GABRG3: variants seen among roughly 807,000 people sequenced by gnomAD.
GABRG3 encodes gamma-aminobutyric acid type A receptor subunit gamma3, also known as gamma-aminobutyric acid receptor subunit gamma-3.
GABRG3 carries 25 observed loss-of-function variants against 48.8 expected under a neutral mutation model. That is an observed-to-expected ratio of 0.51 (90% CI 0.37 to 0.72). The LOEUF is 0.72. GABRG3 is among the 30% of genes least tolerant of loss of function. GABRG3 has a pLI of 0.00. For synonymous variants in GABRG3, 227 were observed against 217.6 expected (o/e 1.04, Z -0.38); for missense variants, 394 against 577.9 (o/e 0.68, Z 3.26).
At chr15:27,475,898 G>A (rs948191210) in intron 5 of GABRG3, among the ~76,000 whole-genome samples, 1 of 152,114 alleles carries the variant, frequency 6.6e-6, no homozygotes, top group African/African-American at 2.4e-5. Context: ...TGATGTGGTG[G>A]TGGTGACTGT....
Position 27,180,836 on chromosome 15 carries a change from T to C in GABRG3, c.271-145973T>C, listed in dbSNP as rs1887907699. Among the ~76,000 whole-genome samples, 1 of 152,214 alleles carries C rather than the reference T, an allele frequency of 6.6e-6. No individual in the cohort carries two copies. Among genetic ancestry groups the C allele is most frequent in the African/African-American group, 2.4e-5 (1 of 41,462 alleles). On this transcript the variant is annotated intron_variant, in intron 3 of 9. Coordinates refer to ENST00000615808, the MANE Select transcript of GABRG3 (RefSeq NM_033223.5). This position sits in a 1 kb window ranked among gnomAD's most constrained non-coding sequence, Gnocchi z 4.2. ...CAGCATATATACCCCATGTAGCCACTGAAAAGGTCTATCTTATGTCTACTT... is the reference window on the plus strand; with the variant it reads ...CAGCATATATACCCCATGTAGCCACCGAAAAGGTCTATCTTATGTCTACTT...
chr15:27,196,958 G>A lies in GABRG3; in HGVS notation c.271-129851G>A, dbSNP rs147777795. Reference sequence around the variant, plus strand: ...TTGCCATGCTTTAGAGTGAGGCCCAGTGAGGTGAAACAAATAGCCCAAGAG... The same window carrying A: ...TTGCCATGCTTTAGAGTGAGGCCCAATGAGGTGAAACAAATAGCCCAAGAG... On this transcript the variant is annotated intron_variant, in intron 3 of 9. Transcript: ENST00000615808. 3.9e-3 allele frequency among the ~76,000 whole-genome samples: 590 copies of A among 152,312 alleles called. 2 individuals are homozygous for A. Among genetic ancestry groups the A allele is most frequent in the African/African-American group, 0.013 (554 of 41,576 alleles).
At position 27,319,450 on chromosome 15, in the gene GABRG3, C is replaced by T. The variant is rs1893344649; in HGVS notation, c.271-7359C>T. Among the ~76,000 whole-genome samples, 1 of 152,206 alleles carries T rather than the reference C, an allele frequency of 6.6e-6. No individual in the cohort carries two copies. The highest frequency in any genetic ancestry group is 2.4e-5 in the African/African-American group (1 of 41,444). ...CAACACAGGTCACTGCTGACCAGCA[C>T]TGTGGTGGGGCAGTCTCTATGCGGA... On this transcript the variant is annotated intron_variant, in intron 3 of 9. Coordinates refer to ENST00000615808, the MANE Select transcript of GABRG3 (RefSeq NM_033223.5). The surrounding 1 kb of genome is among the most constrained non-coding windows in gnomAD (Gnocchi z 4.4).
chr15:27,240,432 C>T (rs1052093268), intron 3 of GABRG3, among the ~76,000 whole-genome samples: 11 of 152,138 alleles, frequency 7.2e-5, no homozygotes, highest in Non-Finnish European at 1.2e-4. Context: ...CGACTCCATC[C>T]AAGTTGTTGA....
chr15:27,178,028 G>A (rs755586916), intron 3 of GABRG3, among the ~76,000 whole-genome samples: 3 of 152,082 alleles, frequency 2.0e-5, no homozygotes, highest in African/African-American at 7.3e-5. Flanking sequence ...GGGATGGTGG[G>A]TGGGAAGCTC....
Position 27,540,846 on chromosome 15 carries a change from G to C in GABRG3, c.*7965G>C, listed in dbSNP as rs1418707404. 2 of 152,216 alleles carry C rather than the reference G, an allele frequency of 1.3e-5. No individual in the cohort carries two copies. 9.4% of individuals were successfully genotyped at this position (152,216 alleles called of 1,614,324 possible). A position where few individuals can be genotyped will look rare whatever the true frequency, so the allele number is the denominator to read the frequency against. On this transcript the variant is annotated 3_prime_UTR_variant, in exon 10 of 10. Coordinates refer to ENST00000615808, the MANE Select transcript of GABRG3 (RefSeq NM_033223.5). ...TGCAGTGGTCTGTGTATTTGTGTCT[G>C]TACGTACAGTGGTAAAACTGAAACA...
At chr15:27,513,249 C>T (rs1595803260) in intron 6 of GABRG3, among the ~76,000 whole-genome samples, 2 of 151,972 alleles carry the variant, frequency 1.3e-5, no homozygotes, top group East Asian at 1.9e-4. Flanking sequence ...AGATCGAGAC[C>T]ATCCTGGCTA....
At position 26,971,530 on chromosome 15, in the gene GABRG3, G is replaced by C; in HGVS notation, c.-6G>C. The C allele has an allele frequency of 6.6e-7, 1 of 1,525,022 alleles. No individual in the cohort carries two copies. The highest frequency in any genetic ancestry group is 1.2e-5 in the South Asian group (1 of 81,416). 94.5% of individuals were successfully genotyped at this position (1,525,022 alleles called of 1,614,324 possible). A position where few individuals can be genotyped will look rare whatever the true frequency, so the allele number is the denominator to read the frequency against. ...CCGGACCCTGCGCCCCGAGCTCCACGGCACCATGGCCCCGAAGCTGCTGCT... is the reference window on the plus strand; with the variant it reads ...CCGGACCCTGCGCCCCGAGCTCCACCGCACCATGGCCCCGAAGCTGCTGCT... On this transcript the variant is annotated 5_prime_UTR_variant, in exon 1 of 10. Coordinates refer to ENST00000615808, the MANE Select transcript of GABRG3 (RefSeq NM_033223.5).
At chr15:27,042,736 C>T (rs1208251719) in intron 3 of GABRG3, among the ~76,000 whole-genome samples, 1 of 152,262 alleles carries the variant, frequency 6.6e-6, no homozygotes, top group Non-Finnish European at 1.5e-5. Context: ...CTGGGTGGTG[C>T]TGCTCCCTCC....
chr15:27,031,965 C>T (rs1188665230), intron 3 of GABRG3, among the ~76,000 whole-genome samples: 1 of 151,986 alleles, frequency 6.6e-6, no homozygotes, highest in African/African-American at 2.4e-5. Context: ...CGATAACTTT[C>T]AGCAGTGTTT....
intron 5 of GABRG3, among the ~76,000 whole-genome samples, chr15:27,405,856 A>AG (rs138661277): frequency 1.4e-4 from 21 of 151,400 alleles, no homozygotes; most frequent in African/African-American, 4.9e-4. Context: ...GGACTGGGGG[A>AG]GGGAATATAG....
chr15:27,510,114 C>T (rs1168770784), intron 6 of GABRG3, among the ~76,000 whole-genome samples: 1 of 152,166 alleles, frequency 6.6e-6, no homozygotes, highest in African/African-American at 2.4e-5. Context: ...TCCCCTTGCA[C>T]TTTTCCCAGG....
At chr15:27,042,784 C>G (rs1039055123) in intron 3 of GABRG3, among the ~76,000 whole-genome samples, 2 of 152,210 alleles carry the variant, frequency 1.3e-5, no homozygotes, top group African/African-American at 4.8e-5. Flanking sequence ...CTCTCACCGT[C>G]GGGTCTGACA....
At chr15:27,072,332 A>G (rs569172644) in intron 3 of GABRG3, among the ~76,000 whole-genome samples, 62 of 152,204 alleles carry the variant, frequency 4.1e-4, no homozygotes, top group African/African-American at 1.5e-3. Context: ...TTCTCCATGG[A>G]CACCCTTCTT....
chr15:27,226,824 T>G (rs1267906757), intron 3 of GABRG3, among the ~76,000 whole-genome samples: 2 of 152,174 alleles, frequency 1.3e-5, no homozygotes, highest in Non-Finnish European at 2.9e-5. Context: ...ATAGCCAGCA[T>G]CTTATCTAGT....
At chr15:27,283,164 C>A (rs1891493233) in intron 3 of GABRG3, among the ~76,000 whole-genome samples, 1 of 152,178 alleles carries the variant, frequency 6.6e-6, no homozygotes, top group South Asian at 2.1e-4. Flanking sequence ...GGATGGAGCT[C>A]CAAGTCCAAG....
intron 5 of GABRG3, among the ~76,000 whole-genome samples, chr15:27,471,416 C>G (rs950984781): frequency 6.6e-6 from 1 of 152,234 alleles, no homozygotes; most frequent in East Asian, 1.9e-4. Context: ...TATCATTTAA[C>G]TACACCTACA....
intron 5 of GABRG3, among the ~76,000 whole-genome samples, chr15:27,418,432 A>G (rs1049828437): frequency 2.6e-5 from 4 of 152,170 alleles, no homozygotes; most frequent in South Asian, 2.1e-4. Flanking sequence ...TCCTCCATTC[A>G]TAATGTGAGG....
intron 3 of GABRG3, among the ~76,000 whole-genome samples, chr15:27,298,803 A>C (rs948621444): frequency 6.6e-6 from 1 of 152,004 alleles, no homozygotes; most frequent in Admixed American, 6.6e-5. Flanking sequence ...TGTCATCTAC[A>C]TTAGGTATTT....
Sources: allele counts gnomAD v4.1 joint callset (sites outside exome capture counted in the v4.1 genomes callset), GRCh38; gene constraint gnomAD v4.1.1; non-coding constraint Gnocchi (gnomAD v3.1); transcripts MANE v1.5; gene names NCBI Gene and HGNC (gene_info 2026-07-23, HGNC 2026-07-21).